The following MTHFD1 variants were observed in gnomAD, a reference collection of about 807,000 sequenced individuals.
The protein encoded by MTHFD1 is methylenetetrahydrofolate dehydrogenase, cyclohydrolase and formyltetrahydrofolate synthetase 1.
MTHFD1 carries 44 observed loss-of-function variants against 110.3 expected under a neutral mutation model. The observed-to-expected ratio is 0.40, with a 90% CI of 0.31 to 0.51. MTHFD1 has a LOEUF of 0.51. Among genes scored for constraint, MTHFD1 ranks in the 20% least tolerant of loss-of-function variants. The probability of loss-of-function intolerance (pLI) is 0.60; values close to 1 mark genes in which losing one functional copy is unlikely to be tolerated. For synonymous variants in MTHFD1, 402 were observed against 428.8 expected, an observed-to-expected ratio of 0.94 and a Z score of 0.77; for missense variants, 909 against 1,173.1, an observed-to-expected ratio of 0.77 and a Z score of 3.29.
At chr14:64,413,515 G>A (rs2078001857) in intron 4 of MTHFD1, among the ~76,000 whole-genome samples, 1 of 152,170 alleles carries the variant, frequency 6.6e-6, no homozygotes, top group Non-Finnish European at 1.5e-5. Flanking sequence ...CTAAACTGTA[G>A]GAGGATAAAG....
rs1282498836 is a variant in MTHFD1, at chr14:64,439,174, T to G, written c.1674+2T>G. On this transcript the variant is annotated splice_donor_variant, in intron 17 of 27. Coordinates refer to ENST00000652337, the MANE Select transcript of MTHFD1 (RefSeq NM_005956.4). LOFTEE classifies it high-confidence loss of function. Reference sequence around the variant, plus strand: ...ACGGAGAAGGGTCACACACGGACGGTAACAATTTGTCCCTTTCCAAGGAAA... The same window carrying G: ...ACGGAGAAGGGTCACACACGGACGGGAACAATTTGTCCCTTTCCAAGGAAA... The G allele has an allele frequency of 6.2e-7, 1 of 1,611,672 alleles. No individual in the cohort carries two copies. The highest frequency in any genetic ancestry group is 8.5e-7 in the Non-Finnish European group (1 of 1,177,870).
intron 21 of MTHFD1, among the ~76,000 whole-genome samples, chr14:64,442,832 C>A (rs1202677242): frequency 6.6e-6 from 1 of 152,116 alleles, no homozygotes; most frequent in Non-Finnish European, 1.5e-5. Context: ...ACAGGGCCTC[C>A]ACACCCTAGG....
chr14:64,425,049 A>AC, intron 9 of MTHFD1, 118 bp downstream of exon 9: 1 of 1,274,882 alleles, frequency 7.8e-7, no homozygotes. Context: ...GAATTTATTG[A>AC]GAAAAAGGGA....
intron 13 of MTHFD1, among the ~76,000 whole-genome samples, chr14:64,431,325 C>T (rs537085481): frequency 6.6e-6 from 1 of 152,158 alleles, no homozygotes; most frequent in East Asian, 1.9e-4. Context: ...CTCGGCCTCC[C>T]AAAGTGCTGG....
chr14:64,431,082 T>C (rs1285795484), intron 13 of MTHFD1, among the ~76,000 whole-genome samples: 14 of 150,746 alleles, frequency 9.3e-5, no homozygotes, highest in Non-Finnish European at 1.5e-4. Flanking sequence ...TTTTCTTTTT[T>C]TTTTTTTTTT....
chr14:64,457,622 A>C (rs555133007), intron 26 of MTHFD1, among the ~76,000 whole-genome samples: 7 of 151,962 alleles, frequency 4.6e-5, no homozygotes, highest in African/African-American at 1.2e-4. Flanking sequence ...TGCCCAGCTA[A>C]TTTTTGTATT....
chr14:64,451,348 A>T (rs751684818), intron 24 of MTHFD1, among the ~76,000 whole-genome samples: 3 of 152,230 alleles, frequency 2.0e-5, no homozygotes, highest in Non-Finnish European at 2.9e-5. Flanking sequence ...AGATAATCAT[A>T]GACTTTCAAA....
At chr14:64,447,929 G>A (rs1395585065) in intron 22 of MTHFD1, 1 of 449,018 alleles carries the variant, frequency 2.2e-6, no homozygotes, top group Non-Finnish European at 4.1e-6. Context: ...AAGCTATAAT[G>A]ATGTGGCATA....
At chr14:64,437,366 TTG>T (rs552696784) in intron 16 of MTHFD1, among the ~76,000 whole-genome samples, 140 of 152,324 alleles carry the variant, frequency 9.2e-4, no homozygotes, top group African/African-American at 3.3e-3. Flanking sequence ...CAATTTAATT[TTG>T]TGTTTCTTTG....
intron 25 of MTHFD1, 73 bp from the exon 26 acceptor site, chr14:64,454,650 C>A: frequency 8.0e-7 from 1 of 1,245,066 alleles, no homozygotes; most frequent in Non-Finnish European, 1.2e-6. Context: ...TCCATGTAAT[C>A]ACAGGGCCCA....
chr14:64,458,057 A>T (rs1250367759), intron 26 of MTHFD1, 157 bp from the exon 27 acceptor site: 5 of 698,924 alleles, frequency 7.2e-6, no homozygotes, highest in Admixed American at 6.3e-5. Flanking sequence ...TATCCAGCTA[A>T]TTTTTTATTT....
At chr14:64,410,327 A>G (rs1054804899) in intron 2 of MTHFD1, among the ~76,000 whole-genome samples, 2 of 151,698 alleles carry the variant, frequency 1.3e-5, no homozygotes, top group Admixed American at 1.3e-4. Flanking sequence ...TCTTGACCTC[A>G]AGTAATCCTC....
At chr14:64,409,180 G>A (rs1434490998) in intron 2 of MTHFD1, among the ~76,000 whole-genome samples, 1 of 152,218 alleles carries the variant, frequency 6.6e-6, no homozygotes. Context: ...GACTTCTCCT[G>A]TGTGACATTA....
intron 18 of MTHFD1, chr14:64,441,164 C>A (rs925909932): frequency 9.0e-5 from 46 of 509,288 alleles, no homozygotes; most frequent in Non-Finnish European, 1.6e-4. Context: ...TGCACTCCAG[C>A]CTGGGCAACA....
At chr14:64,433,408 TG>T (rs1421768195) in intron 15 of MTHFD1, among the ~76,000 whole-genome samples, 2 of 152,216 alleles carry the variant, frequency 1.3e-5, no homozygotes, top group African/African-American at 2.4e-5. Context: ...CGTGAGCCAC[TG>T]TACCCGGCCT....
Position 64,415,717 on chromosome 14 carries a change from C to T in MTHFD1, c.456C>T (p.Cys152=), listed in dbSNP as rs769040296. 8.1e-6 allele frequency: 13 copies of T among 1,613,886 alleles called. No individual in the cohort carries two copies. The South Asian group carries it at 1.3e-4, about 16-fold the overall frequency. Residue 152 remains cysteine, a synonymous_variant, in exon 6 of 28, where the codon TGC becomes TGT. Transcript: ENST00000652337. The part of the protein sequence containing the change: ...DCFIPCTPKG[C]LELIKETGVP... ...TCATTCCTTGTACGCCTAAGGGATG[C>T]TTGGAACTCATCAAAGAGACAGGTA...
chr14:64,396,564 T>G (rs1374596368), intron 1 of MTHFD1, among the ~76,000 whole-genome samples: 1 of 149,790 alleles, frequency 6.7e-6, no homozygotes, highest in African/African-American at 2.4e-5. Context: ...GTTAATTTTT[T>G]TTTTTTTTTT....
chr14:64,426,236 C>A, intron 11 of MTHFD1, 44 bp downstream of exon 11: 1 of 1,598,682 alleles, frequency 6.3e-7, no homozygotes, highest in Non-Finnish European at 8.6e-7. Flanking sequence ...TAGTATCAGT[C>A]CTGATACTAA....
chr14:64,453,463 C>T (rs183194293), intron 24 of MTHFD1, among the ~76,000 whole-genome samples: 4 of 152,112 alleles, frequency 2.6e-5, no homozygotes, highest in Middle Eastern at 6.8e-3. Flanking sequence ...CCCAGCTACT[C>T]GGGAGGCTGA....
Sources: gnomAD v4.1 joint callset for allele counts (sites outside exome capture counted in the v4.1 genomes callset) on GRCh38, gnomAD v4.1.1 for gene constraint, MANE v1.5 for transcripts, NCBI Gene and HGNC (gene_info 2026-07-23, HGNC 2026-07-21) for gene names.